EPHA5: variants seen among roughly 807,000 people sequenced by gnomAD.
The protein encoded by EPHA5 is ephrin type-A receptor 5.
In EPHA5, 60 loss-of-function variants were observed where a neutral mutation model predicts 105.0. The ratio of observed to expected loss-of-function variants is 0.57; its 90% CI spans 0.46 to 0.71. The LOEUF (loss-of-function observed/expected upper bound fraction) is 0.71. Among genes scored for constraint, EPHA5 ranks in the 30% least tolerant of loss-of-function variants. The pLI is 0.00. For missense variants in EPHA5, 1,218 were observed against 1,274.7 expected (o/e 0.96, Z 0.68); for synonymous variants, 513 against 449.1 (o/e 1.14, Z -1.80).
At chr4:65,459,587 A>G (rs775314202) in intron 5 of EPHA5, among the ~76,000 whole-genome samples, 17 of 151,962 alleles carry the variant, frequency 1.1e-4, no homozygotes, top group Non-Finnish European at 2.4e-4. Context: ...AGGCATGATT[A>G]CTGTCAATTT....
intron 8 of EPHA5, among the ~76,000 whole-genome samples, chr4:65,388,662 G>GTTGT (rs10522792): frequency 0.48 from 62,050 of 130,156 alleles, 14,767 homozygotes; most frequent in East Asian, 0.74. Flanking sequence ...TTTTGATGGG[G>GTTGT]TTGTTTTTTT....
At chr4:65,595,182 C>A (rs1743050727) in intron 3 of EPHA5, among the ~76,000 whole-genome samples, 2 of 149,258 alleles carry the variant, frequency 1.3e-5, no homozygotes, top group South Asian at 4.2e-4. Context: ...ATTTCCCTAT[C>A]TAAAATACCA....
At chr4:65,405,276 A>G (rs949962547) in intron 7 of EPHA5, among the ~76,000 whole-genome samples, 2 of 5,948 alleles carry the variant, frequency 3.4e-4, no homozygotes, top group Admixed American at 7.1e-3. Flanking sequence ...CTTGATTAAA[A>G]TAAAACGCCT....
intron 11 of EPHA5, among the ~76,000 whole-genome samples, chr4:65,354,637 A>T (rs1723128349): frequency 6.6e-6 from 1 of 151,774 alleles, no homozygotes; most frequent in African/African-American, 2.4e-5. Context: ...ATTCTTCAGA[A>T]GAGTGTCTGT....
intron 3 of EPHA5, among the ~76,000 whole-genome samples, chr4:65,516,177 C>T (rs1560633352): frequency 6.6e-6 from 1 of 152,076 alleles, no homozygotes; most frequent in South Asian, 2.1e-4. Context: ...ACTTTTGACT[C>T]CCCCAAAACT....
intron 3 of EPHA5, among the ~76,000 whole-genome samples, chr4:65,586,539 T>C (rs1742143562): frequency 6.6e-6 from 1 of 151,970 alleles, no homozygotes; most frequent in South Asian, 2.1e-4. Flanking sequence ...ATCCTTGTCT[T>C]TTTACTATAC....
At chr4:65,467,118 G>A (rs1254694249) in intron 5 of EPHA5, among the ~76,000 whole-genome samples, 1 of 152,096 alleles carries the variant, frequency 6.6e-6, no homozygotes, top group Non-Finnish European at 1.5e-5. Context: ...GTCTTCCAAT[G>A]GACCACCTCC....
At chr4:65,441,087 A>G (rs1389099235) in intron 5 of EPHA5, among the ~76,000 whole-genome samples, 3 of 152,142 alleles carry the variant, frequency 2.0e-5, no homozygotes, top group African/African-American at 7.2e-5. Flanking sequence ...AAGGTTAACA[A>G]TTTAAAGATG....
chr4:65,620,906 T>G (rs933018275), intron 2 of EPHA5, among the ~76,000 whole-genome samples: 2 of 152,294 alleles, frequency 1.3e-5, no homozygotes, highest in African/African-American at 4.8e-5. Flanking sequence ...GCAAGTGGTA[T>G]GGCCTTTCCT....
chr4:65,568,633 A>G (rs1356622905), intron 3 of EPHA5, among the ~76,000 whole-genome samples: 3 of 151,062 alleles, frequency 2.0e-5, no homozygotes, highest in African/African-American at 7.3e-5. Context: ...AATTACTATC[A>G]TCCCATTTTC....
chr4:65,458,923 T>C (rs1019527426), intron 5 of EPHA5, among the ~76,000 whole-genome samples: 1 of 152,102 alleles, frequency 6.6e-6, no homozygotes, highest in African/African-American at 2.4e-5. Context: ...TTCATTAATA[T>C]AAATCAAAAT....
Position 65,406,688 on chromosome 4 carries a change from C to T in EPHA5, c.1688-2209G>A, listed in dbSNP as rs557768132. Among the ~76,000 whole-genome samples, 199 of 152,164 alleles carry T rather than the reference C, an allele frequency of 1.3e-3. 1 individual carries two copies. Among genetic ancestry groups the T allele is most frequent in the Middle Eastern group, 0.01 (3 of 292 alleles). ...TCTCAGGGTGACAAATTTATATCTC[C>T]AACCCTTATTTCTCTCCAAAGAATC... On this transcript the variant is annotated intron_variant, in intron 7 of 16. Transcript: ENST00000613740.
At chr4:65,344,730 G>A (rs1308601108) in intron 14 of EPHA5, among the ~76,000 whole-genome samples, 1 of 152,162 alleles carries the variant, frequency 6.6e-6, no homozygotes. Flanking sequence ...GTGTTCTGCA[G>A]GGCCTGTTAA....
intron 16 of EPHA5, among the ~76,000 whole-genome samples, chr4:65,324,716 T>A (rs2148778706): frequency 6.7e-6 from 1 of 150,128 alleles, no homozygotes; most frequent in South Asian, 2.1e-4. Context: ...TAATCACCAC[T>A]ACATTGCTTT....
chr4:65,372,391 A>C (rs1560465491), intron 8 of EPHA5, among the ~76,000 whole-genome samples: 3 of 151,930 alleles, frequency 2.0e-5, no homozygotes, highest in Admixed American at 2.0e-4. Context: ...AGTATTCTTC[A>C]ATAAGAATGC....
At chr4:65,574,705 TATAC>T (rs1389282096) in intron 3 of EPHA5, among the ~76,000 whole-genome samples, 14 of 81,258 alleles carry the variant, frequency 1.7e-4, no homozygotes, top group African/African-American at 2.2e-4. Flanking sequence ...TATACATATA[TATAC>T]ATATATATAT....
At chr4:65,573,495 G>A in intron 3 of EPHA5, 3 of 1,574,868 alleles carry the variant, frequency 1.9e-6, no homozygotes, top group Non-Finnish European at 2.6e-6. Context: ...AGATACTAAA[G>A]AGAAGAAACC....
intron 3 of EPHA5, among the ~76,000 whole-genome samples, chr4:65,584,819 G>A (rs1352692790): frequency 6.6e-6 from 1 of 151,828 alleles, no homozygotes; most frequent in Non-Finnish European, 1.5e-5. Flanking sequence ...TGAAAGTATT[G>A]TTAAAAAATC....
chr4:65,535,537 C>T (rs1007379347), intron 3 of EPHA5, among the ~76,000 whole-genome samples: 38 of 152,002 alleles, frequency 2.5e-4, no homozygotes, highest in Non-Finnish European at 1.5e-4. Context: ...TTTCCCATCC[C>T]ATCAGTTAGT....
Sources: allele counts gnomAD v4.1 joint callset (sites outside exome capture counted in the v4.1 genomes callset), GRCh38; gene constraint gnomAD v4.1.1; transcripts MANE v1.5; gene names NCBI Gene and HGNC (gene_info 2026-07-23, HGNC 2026-07-21).